Variants in PCAT7 observed in about 807,000 individuals in gnomAD.
PCAT7 encodes the protein prostate cancer associated transcript 7.
chr9:94,566,607 C>T (rs1225263778), intron 2 of PCAT7, among the ~76,000 whole-genome samples: 2 of 152,242 alleles, frequency 1.3e-5, no homozygotes, highest in East Asian at 1.9e-4. Flanking sequence ...TCCCACTTCA[C>T]ACCTCTATAT....
intron 2 of PCAT7, chr9:94,563,551 T>C: frequency 2.8e-6 from 4 of 1,432,736 alleles, no homozygotes; most frequent in South Asian, 2.6e-5. Flanking sequence ...TGGTGTGACC[T>C]CTGCCTTCTT....
At chr9:94,560,709 TTATTA>T (rs1306497903) in intron 2 of PCAT7, among the ~76,000 whole-genome samples, 1 of 147,032 alleles carries the variant, frequency 6.8e-6, no homozygotes, top group Non-Finnish European at 1.5e-5. Context: ...TATTTATATG[TTATTA>T]TATATTATAT....
At chr9:94,573,884 T>C (rs1410956873) in intron 3 of PCAT7, among the ~76,000 whole-genome samples, 1 of 152,226 alleles carries the variant, frequency 6.6e-6, no homozygotes, top group Non-Finnish European at 1.5e-5. Context: ...TGGAAGAGAC[T>C]GAATAATCTG....
At chr9:94,566,512 A>G (rs1353308695) in intron 2 of PCAT7, among the ~76,000 whole-genome samples, 2 of 152,214 alleles carry the variant, frequency 1.3e-5, no homozygotes. Context: ...TCGAATATCT[A>G]TAGAAACAAT....
rs1215446987 is a variant in PCAT7, at chr9:94,565,104, T to A, written n.441+5952T>A. On this transcript the variant is annotated intron_variant and non_coding_transcript_variant, in intron 2 of 8. Coordinates refer to ENST00000647389, the Ensembl canonical transcript of PCAT7. ...AAATAAAACAATGGGTCTGGCATGGTGGTTCACGCCTGTAATCCCAGCATT... is the reference window on the plus strand; with the variant it reads ...AAATAAAACAATGGGTCTGGCATGGAGGTTCACGCCTGTAATCCCAGCATT... 2.0e-5 allele frequency among the ~76,000 whole-genome samples: 3 copies of A among 152,170 alleles called. No homozygotes were observed. The East Asian group carries it at 5.8e-4, about 29-fold the overall frequency.
At chr9:94,561,196 A>C (rs1827093686) in intron 2 of PCAT7, among the ~76,000 whole-genome samples, 1 of 152,118 alleles carries the variant, frequency 6.6e-6, no homozygotes, top group Non-Finnish European at 1.5e-5. Flanking sequence ...AACTACTTTA[A>C]TCAAAAAAAG....
chr9:94,569,894 TA>T (rs1240984817), intron 2 of PCAT7: 1 of 152,218 alleles, frequency 6.6e-6, no homozygotes, highest in African/African-American at 2.4e-5. Context: ...GCTGCCTCCA[TA>T]AGCTACTGGC....
intron 3 of PCAT7, among the ~76,000 whole-genome samples, chr9:94,574,005 AT>A (rs1246658096): frequency 6.6e-6 from 1 of 152,172 alleles, no homozygotes; most frequent in East Asian, 1.9e-4. Context: ...CAAAGTATCT[AT>A]TTTATATTGG....
intron 2 of PCAT7, chr9:94,559,286 GAGCCTACAGCA>G: frequency 4.5e-6 from 3 of 659,514 alleles, no homozygotes; most frequent in Non-Finnish European, 7.6e-6. Context: ...CCGAGCTTTA[GAGCCTACAGCA>G]GGCCAGATGC....
At chr9:94,558,613 A>G (rs1827044361) in intron 1 of PCAT7, 4 of 331,796 alleles carry the variant, frequency 1.2e-5, no homozygotes, top group Admixed American at 4.6e-5. Flanking sequence ...TAACTAATCT[A>G]TGTACTCTTT....
At chr9:94,554,793 A>AG (rs1564176102), upstream of PCAT7, among the ~76,000 whole-genome samples, 596 of 152,160 alleles carry the variant, frequency 3.9e-3, 1 homozygote, top group African/African-American at 0.014. Context: ...CCAGGCTCCA[A>AG]GCTCCAGGCT....
chr9:94,558,034 T>C (rs1329380117), intron 1 of PCAT7, among the ~76,000 whole-genome samples: 2 of 152,218 alleles, frequency 1.3e-5, no homozygotes, highest in Non-Finnish European at 2.9e-5. Flanking sequence ...TTTCTAAATA[T>C]TGACTCTGTT....
intron 2 of PCAT7, among the ~76,000 whole-genome samples, chr9:94,565,765 A>G (rs1827178209): frequency 2.2e-5 from 1 of 44,832 alleles, no homozygotes; most frequent in African/African-American, 5.6e-5. Context: ...AAATAGATAC[A>G]TAGATGATAG....
intron 2 of PCAT7, among the ~76,000 whole-genome samples, chr9:94,571,187 T>A (rs1670612148): frequency 6.6e-6 from 1 of 152,188 alleles, no homozygotes; most frequent in African/African-American, 2.4e-5. Flanking sequence ...GCCAAAGAGA[T>A]TGAGTGCATT....
chr9:94,556,486 G>A (rs1433853265), intron 1 of PCAT7, among the ~76,000 whole-genome samples: 1 of 152,090 alleles, frequency 6.6e-6, no homozygotes, highest in East Asian at 1.9e-4. Flanking sequence ...AGGAAAAGAA[G>A]GTGGGGAAAT....
chr9:94,562,183 C>T (rs1458584083), intron 2 of PCAT7, among the ~76,000 whole-genome samples: 3 of 151,784 alleles, frequency 2.0e-5, no homozygotes, highest in Non-Finnish European at 4.4e-5. Context: ...TGGTGGCGGG[C>T]GCCTGTAGTC....
intron 2 of PCAT7, among the ~76,000 whole-genome samples, chr9:94,559,573 C>T (rs1448882074): frequency 6.6e-6 from 1 of 150,736 alleles, no homozygotes; most frequent in African/African-American, 2.5e-5. Context: ...GCCGGCTTGT[C>T]TCTCTGGGGA....
intron 2 of PCAT7, among the ~76,000 whole-genome samples, chr9:94,562,317 A>AC (rs974640112): frequency 2.0e-5 from 3 of 151,392 alleles, no homozygotes; most frequent in African/African-American, 7.3e-5. Flanking sequence ...CTCAAAAAAA[A>AC]AAAAAAAAAA....
chr9:94,568,595 A>G (rs865807906), intron 2 of PCAT7: 19 of 152,232 alleles, frequency 1.2e-4, no homozygotes, highest in African/African-American at 4.6e-4. Context: ...AAGGTTCCCA[A>G]GGAACATCAG....
Sources: gnomAD v4.1 joint callset for allele counts (sites outside exome capture counted in the v4.1 genomes callset) on GRCh38, gnomAD v4.1.1 for gene constraint, MANE v1.5 for transcripts, NCBI Gene and HGNC (gene_info 2026-07-23, HGNC 2026-07-21) for gene names.